The following ECT2L variants were observed in gnomAD, a reference collection of about 807,000 sequenced individuals.
The protein encoded by ECT2L is epithelial cell transforming 2 like.
In ECT2L, 126 loss-of-function variants were observed where a neutral mutation model predicts 122.8. The observed-to-expected ratio is 1.03, with a 90% CI of 0.89 to 1.19. ECT2L has a LOEUF of 1.19. Ranked by LOEUF, ECT2L falls within the 50% of genes most tolerant of loss-of-function variation. The pLI, the probability that ECT2L is intolerant of heterozygous loss-of-function variation, is 0.00. For missense variants in ECT2L, 1,012 were observed against 1,064.1 expected, an observed-to-expected ratio of 0.95 and a Z score of 0.68; for synonymous variants, 385 against 381.8, an observed-to-expected ratio of 1.01 and a Z score of -0.10.
chr6:138,895,599 C>G (rs1779181465), intron 20 of ECT2L, among the ~76,000 whole-genome samples: 1 of 152,110 alleles, frequency 6.6e-6, no homozygotes, highest in Admixed American at 6.5e-5. Context: ...GAGACAGAGT[C>G]TCGTTCTGTT....
chr6:138,841,154 TTAATTA>T (rs1380902040), intron 5 of ECT2L, among the ~76,000 whole-genome samples: 1 of 152,224 alleles, frequency 6.6e-6, no homozygotes. Context: ...TTTAGATATA[TTAATTA>T]TAGAGTATTT....
In ECT2L at chr6:138,849,411, G is replaced by T; in HGVS notation, c.1046G>T (p.Ser349Ile). ...ATCGGAATATTTAGCGATGGAGACAGCAGAGAAATCAATTTACTCCAAGGT... is the reference window on the plus strand; with the variant it reads ...ATCGGAATATTTAGCGATGGAGACATCAGAGAAATCAATTTACTCCAAGGT... ...QSIGIFSDGDSREINLLQGYK... is the reference protein window; with the variant it reads ...QSIGIFSDGDIREINLLQGYK... Residue 349 changes from serine to isoleucine, a missense_variant, in exon 9 of 22, where the codon AGC (serine) becomes ATC (isoleucine). By Grantham distance (142) the Ser-to-Ile change is moderately radical. Coordinates refer to ENST00000541398, the MANE Select transcript of ECT2L (RefSeq NM_001077706.3). 1 of 1,613,640 alleles carries T rather than the reference G, an allele frequency of 6.2e-7. No homozygotes were observed. The highest frequency in any genetic ancestry group is 8.5e-7 in the Non-Finnish European group (1 of 1,179,840).
Position 138,838,450 on chromosome 6 carries a change from T to G in ECT2L, c.278T>G (p.Leu93Trp). ...RFISLYIFSFLSPKDLCAAAQ... is the reference protein window; with the variant it reads ...RFISLYIFSFWSPKDLCAAAQ... Reference sequence around the variant, plus strand: ...ATTTCTCTATATATCTTTTCCTTTTTGAGTCCGAAAGATTTGTGTGCCGCT... The same window carrying G: ...ATTTCTCTATATATCTTTTCCTTTTGGAGTCCGAAAGATTTGTGTGCCGCT... The change falls in exon 5 of 22, where the codon TTG becomes TGG. Residue 93 changes from leucine to tryptophan, a missense_variant. Coordinates refer to ENST00000541398, the MANE Select transcript of ECT2L (RefSeq NM_001077706.3). The G allele has an allele frequency of 6.2e-7, 1 of 1,614,062 alleles. No individual in the cohort carries two copies. Among genetic ancestry groups the G allele is most frequent in the Non-Finnish European group, 8.5e-7 (1 of 1,179,990 alleles).
chr6:138,865,022 T>A lies in ECT2L; in HGVS notation c.1318T>A (p.Trp440Arg). Residue 440 changes from tryptophan (W) to arginine (R), a missense_variant, in exon 12 of 22, where the codon TGG (tryptophan) becomes AGG (arginine). By Grantham distance (101) the Trp-to-Arg change is moderately radical. Transcript: ENST00000541398. ...TCTTAGTGATTGGCTGGGATCCCAA[T>A]GGGGAAAGGCCCCCTCTTCCATCTA... Reference protein sequence around the residue: ...HILSDWLGSQWGKAPSSIYFC... With the variant: ...HILSDWLGSQRGKAPSSIYFC... 2 of 1,613,466 alleles carry A rather than the reference T, an allele frequency of 1.2e-6. No homozygotes were observed. The highest frequency in any genetic ancestry group is 8.5e-7 in the Non-Finnish European group (1 of 1,179,826).
In ECT2L at chr6:138,815,026, G is replaced by C. The variant is rs113984850; in HGVS notation, c.179+423G>C. ...AGTGGTTGAAACATTTAGGAATATG[G>C]GCAAGACTTATACAGCCCTAGTCAA... On this transcript the variant is annotated intron_variant, in intron 4 of 21. Coordinates refer to ENST00000541398, the MANE Select transcript of ECT2L (RefSeq NM_001077706.3). Among the ~76,000 whole-genome samples the C allele has an allele frequency of 7.0e-3, 1,060 of 152,226 alleles. 8 individuals are homozygous for C. The highest frequency in any genetic ancestry group is 0.018 in the African/African-American group (767 of 41,530).
intron 10 of ECT2L, among the ~76,000 whole-genome samples, chr6:138,856,727 G>A (rs1289031934): frequency 6.6e-6 from 1 of 152,120 alleles, no homozygotes; most frequent in Non-Finnish European, 1.5e-5. Flanking sequence ...ATACCTGTGG[G>A]TACTAAAGCA....
chr6:138,821,317 G>A (rs1191727632), intron 4 of ECT2L, among the ~76,000 whole-genome samples: 2 of 152,170 alleles, frequency 1.3e-5, no homozygotes, highest in African/African-American at 4.8e-5. Flanking sequence ...TCCAGATATG[G>A]GTCTTCCTGC....
intron 4 of ECT2L, among the ~76,000 whole-genome samples, chr6:138,827,372 A>G (rs1388179913): frequency 6.6e-6 from 1 of 151,720 alleles, no homozygotes; most frequent in Non-Finnish European, 1.5e-5. Context: ...AAAAAACAGA[A>G]AAAAAAAACT....
intron 19 of ECT2L, among the ~76,000 whole-genome samples, chr6:138,887,515 C>T (rs1288437839): frequency 6.6e-6 from 1 of 152,168 alleles, no homozygotes; most frequent in African/African-American, 2.4e-5. Flanking sequence ...TGAGCCACCA[C>T]GCCCAGCCAT....
chr6:138,802,076 C>T (rs1361124184), intron 1 of ECT2L, among the ~76,000 whole-genome samples: 1 of 152,226 alleles, frequency 6.6e-6, no homozygotes, highest in African/African-American at 2.4e-5. Context: ...CTCTCTTGCT[C>T]ACTCACTTGG....
intron 6 of ECT2L, 42 bp from the exon 7 acceptor site, chr6:138,844,370 G>A (rs1352270934): frequency 6.2e-7 from 1 of 1,600,686 alleles, no homozygotes; most frequent in Non-Finnish European, 8.5e-7. Context: ...GCTGGGAGAA[G>A]TATGAAGTAA....
intron 4 of ECT2L, among the ~76,000 whole-genome samples, chr6:138,834,935 A>ACACACACCCTCTCT (rs5880405): frequency 7.0e-6 from 1 of 142,764 alleles, no homozygotes; most frequent in Non-Finnish European, 1.5e-5. Flanking sequence ...ACACACACAC[A>ACACACACCCTCTCT]CTCTCATTCT....
In ECT2L at chr6:138,823,548, A is replaced by G. The variant is rs1280817556; in HGVS notation, c.179+8945A>G. 40 of 1,550,832 alleles carry G rather than the reference A, an allele frequency of 2.6e-5. 1 individual carries two copies. In the South Asian group the frequency reaches 4.0e-4, roughly 16 times the overall value. On this transcript the variant is annotated intron_variant, in intron 4 of 21. Coordinates refer to ENST00000541398, the MANE Select transcript of ECT2L (RefSeq NM_001077706.3). ...CAAGTTCTGCCGAGCCATAGACATCATCTACTCCCTGATCACCAGCTGCAA... is the reference window on the plus strand; with the variant it reads ...CAAGTTCTGCCGAGCCATAGACATCGTCTACTCCCTGATCACCAGCTGCAA...
At chr6:138,824,588 A>AAAAAAC (rs1776378745) in intron 4 of ECT2L, among the ~76,000 whole-genome samples, 1 of 151,654 alleles carries the variant, frequency 6.6e-6, no homozygotes, top group Admixed American at 6.6e-5. Flanking sequence ...AAACAAAAAA[A>AAAAAAC]ACACAAAACA....
chr6:138,824,801 C>T (rs1776386209), intron 4 of ECT2L, among the ~76,000 whole-genome samples: 1 of 152,170 alleles, frequency 6.6e-6, no homozygotes, highest in South Asian at 2.1e-4. Flanking sequence ...CTATCATCAC[C>T]TGATCTGGTT....
intron 7 of ECT2L, 120 bp from the exon 8 acceptor site, chr6:138,846,419 A>G: frequency 1.1e-6 from 1 of 883,408 alleles, no homozygotes; most frequent in South Asian, 2.7e-5. Flanking sequence ...GGTGAGGCTA[A>G]GGCATGGAGG....
Position 138,850,936 on chromosome 6 carries a change from C to T in ECT2L, c.1069+1502C>T, listed in dbSNP as rs368292890. Among the ~76,000 whole-genome samples, 55 of 125,706 alleles carry T rather than the reference C, an allele frequency of 4.4e-4. 1 individual carries two copies. Among genetic ancestry groups the T allele is most frequent in the African/African-American group, 1.6e-3 (54 of 33,340 alleles). 82.5% of individuals were successfully genotyped at this position (125,706 alleles called of 152,430 possible). A position where few individuals can be genotyped will look rare whatever the true frequency, so the allele number is the denominator to read the frequency against. On this transcript the variant is annotated intron_variant, in intron 9 of 21. Transcript: ENST00000541398. ...GAATCGCTTGAACCTGGGAGGCGGACGTCGCGGTGAGCCAAGATTGCACCT... is the reference window on the plus strand; with the variant it reads ...GAATCGCTTGAACCTGGGAGGCGGATGTCGCGGTGAGCCAAGATTGCACCT...
In ECT2L at chr6:138,840,747, G is replaced by C. The variant is rs574844452; in HGVS notation, c.343-2232G>C. 1.3e-3 allele frequency among the ~76,000 whole-genome samples: 193 copies of C among 151,984 alleles called. 3 individuals carry two copies. In the South Asian group the frequency reaches 0.038, roughly 30 times the overall value. On this transcript the variant is annotated intron_variant, in intron 5 of 21. Coordinates refer to ENST00000541398, the MANE Select transcript of ECT2L (RefSeq NM_001077706.3). ...TAATGTTATTGTGATATACCTAGGT[G>C]TGTGTTTGTATGTATCTTGTTTTGT...
intron 19 of ECT2L, 47 bp downstream of exon 19, chr6:138,886,969 C>T (rs371487031): frequency 1.5e-5 from 22 of 1,511,522 alleles, no homozygotes; most frequent in Non-Finnish European, 1.9e-5. Context: ...ATGAATACAA[C>T]CTCCAGTCTT....
Sources: gnomAD v4.1 joint callset for allele counts (sites outside exome capture counted in the v4.1 genomes callset) on GRCh38, gnomAD v4.1.1 for gene constraint, MANE v1.5 for transcripts, NCBI Gene and HGNC (gene_info 2026-07-23, HGNC 2026-07-21) for gene names.